Variants in TENM4 observed in about 807,000 individuals in gnomAD.
TENM4 encodes the protein teneurin-4.
Under a neutral mutation model 243.3 loss-of-function variants are expected in TENM4, and 82 were observed. That is an observed-to-expected ratio of 0.34 (90% CI 0.28 to 0.40). The LOEUF is 0.40. Among genes scored for constraint, TENM4 ranks in the 10% least tolerant of loss-of-function variants. The pLI, the probability that TENM4 is intolerant of heterozygous loss-of-function variation, is 1.00. For synonymous variants in TENM4, 1,412 were observed against 1,456.3 expected (o/e 0.97, Z 0.69); for missense variants, 3,138 against 3,673.3 (o/e 0.85, Z 3.77).
At chr11:78,676,120 A>G in intron 30 of TENM4, 32 bp downstream of exon 30, 2 of 1,458,416 alleles carry the variant, frequency 1.4e-6, no homozygotes, top group East Asian at 5.0e-5. Flanking sequence ...CTTTCCCCCC[A>G]GGACGCAGCC....
intron 1 of TENM4, among the ~76,000 whole-genome samples, chr11:79,412,110 C>A (rs1858713660): frequency 6.6e-6 from 1 of 152,204 alleles, no homozygotes; most frequent in Admixed American, 6.5e-5. Flanking sequence ...GTGCCACCAC[C>A]AGGACAGCTC....
intron 6 of TENM4, among the ~76,000 whole-genome samples, chr11:78,913,689 G>C (rs1591124669): frequency 1.3e-5 from 2 of 151,584 alleles, no homozygotes; most frequent in African/African-American, 4.8e-5. Context: ...CGGATAAGCA[G>C]CTCATGGAAA....
In TENM4 at chr11:78,712,541, T is replaced by A; in HGVS notation, c.3995A>T (p.Asp1332Val). ...AGTGDQCLPF[D>V]DTRCGDGGKA... ...CCCACCATCCCCGCAGCGAGTGTCATCAAAGGGGAGGCACTGGTCACCTGT... is the reference window on the plus strand; with the variant it reads ...CCCACCATCCCCGCAGCGAGTGTCAACAAAGGGGAGGCACTGGTCACCTGT... The change falls in exon 26 of 34, where the codon GAT (aspartate) becomes GTT (valine). Residue 1332 changes from aspartate to valine, a missense_variant. Physicochemically the swap from Asp to Val is radical, Grantham distance 152. This residue lies in a region of TENM4 where 2,467 missense variants were observed against 3,059.1 expected (regional missense o/e 0.81). Transcript: ENST00000278550. 6.2e-7 allele frequency: 1 copy of A among 1,613,972 alleles called. No homozygotes were observed. Among genetic ancestry groups the A allele is most frequent in the African/African-American group, 1.3e-5 (1 of 75,046 alleles).
intron 4 of TENM4, among the ~76,000 whole-genome samples, chr11:79,143,157 C>T (rs1018507371): frequency 1.4e-4 from 21 of 152,018 alleles, no homozygotes; most frequent in African/African-American, 5.1e-4. Flanking sequence ...ACCATTTGAC[C>T]CAGCGATCCC....
intron 6 of TENM4, among the ~76,000 whole-genome samples, chr11:79,001,182 G>T (rs565203057): frequency 6.6e-6 from 1 of 152,204 alleles, no homozygotes; most frequent in East Asian, 1.9e-4. Flanking sequence ...ACTTTAGATT[G>T]TAAGACACAA....
At chr11:79,305,254 A>G (rs558402) in intron 1 of TENM4, among the ~76,000 whole-genome samples, 90,570 of 152,136 alleles carry the variant, frequency 0.6, 27,548 homozygotes, top group East Asian at 0.78. Flanking sequence ...CTTTATCTGC[A>G]AAGTGAAGAT....
chr11:79,122,681 A>G (rs1861767168), intron 4 of TENM4, among the ~76,000 whole-genome samples: 1 of 152,178 alleles, frequency 6.6e-6, no homozygotes, highest in South Asian at 2.1e-4. Context: ...AAAAAGAACA[A>G]GAGTCCACTG....
At chr11:78,683,756 G>A (rs1024174998) in intron 29 of TENM4, among the ~76,000 whole-genome samples, 2 of 152,088 alleles carry the variant, frequency 1.3e-5, no homozygotes, top group African/African-American at 2.4e-5. Flanking sequence ...CTCACGCTGG[G>A]AGCTGTAGAC....
chr11:79,035,727 T>G (rs963022572), intron 6 of TENM4, among the ~76,000 whole-genome samples: 2 of 152,198 alleles, frequency 1.3e-5, no homozygotes, highest in African/African-American at 2.4e-5. Flanking sequence ...TCTCCCATTC[T>G]TCTTCTTTAC....
chr11:78,817,713 T>A (rs944059198), intron 12 of TENM4, among the ~76,000 whole-genome samples: 11 of 152,352 alleles, frequency 7.2e-5, no homozygotes, highest in Middle Eastern at 3.4e-3. Context: ...GGAGAGACAG[T>A]CCTGCCTGCA....
intron 1 of TENM4, among the ~76,000 whole-genome samples, chr11:79,319,692 T>C (rs1015812195): frequency 6.6e-6 from 1 of 151,696 alleles, no homozygotes; most frequent in African/African-American, 2.4e-5. Context: ...GGATGAGAAA[T>C]ATGAGCAAAC....
chr11:78,663,296 T>C (rs1332495389), intron 32 of TENM4, among the ~76,000 whole-genome samples: 2 of 152,234 alleles, frequency 1.3e-5, no homozygotes, highest in South Asian at 2.1e-4. Context: ...CAAGTGGAGA[T>C]AGAACCCTGA....
chr11:79,344,470 C>T (rs1197715017), intron 1 of TENM4, among the ~76,000 whole-genome samples: 1 of 151,182 alleles, frequency 6.6e-6, no homozygotes, highest in Non-Finnish European at 1.5e-5. Context: ...ATGAAACTGC[C>T]CCAGCCAAGC....
intron 6 of TENM4, among the ~76,000 whole-genome samples, chr11:78,955,904 G>A (rs1413676945): frequency 6.6e-6 from 1 of 152,178 alleles, no homozygotes; most frequent in African/African-American, 2.4e-5. Flanking sequence ...GTCTGCCCCA[G>A]GTGGAAGGCC....
chr11:78,751,958 C>T (rs1023298220), intron 19 of TENM4, among the ~76,000 whole-genome samples: 1 of 152,210 alleles, frequency 6.6e-6, no homozygotes, highest in Non-Finnish European at 1.5e-5. Flanking sequence ...AAGTATTCCA[C>T]TAGGCAGATG....
At chr11:78,985,671 C>T (rs142639405) in intron 6 of TENM4, among the ~76,000 whole-genome samples, 3 of 152,228 alleles carry the variant, frequency 2.0e-5, no homozygotes, top group East Asian at 3.9e-4. Context: ...AGAAGTTAAC[C>T]TATCTTATAA....
intron 1 of TENM4, among the ~76,000 whole-genome samples, chr11:79,329,937 G>C (rs1436569481): frequency 1.3e-5 from 2 of 152,186 alleles, no homozygotes; most frequent in Non-Finnish European, 2.9e-5. Flanking sequence ...ATCACAGAAG[G>C]GTGAGCGGCA....
chr11:79,201,218 C>T (rs1863730643), intron 3 of TENM4, among the ~76,000 whole-genome samples: 1 of 152,152 alleles, frequency 6.6e-6, no homozygotes, highest in Admixed American at 6.6e-5. Context: ...CTGAAAACTG[C>T]GTTTCTAACA....
At chr11:79,021,570 C>T (rs987749986) in intron 6 of TENM4, 1 of 152,148 alleles carries the variant, frequency 6.6e-6, no homozygotes, top group African/African-American at 2.4e-5. Flanking sequence ...AGGGGGTGTT[C>T]ATACCTTTTC....
Sources: gnomAD v4.1 joint callset for allele counts (sites outside exome capture counted in the v4.1 genomes callset) on GRCh38, gnomAD v4.1.1 for gene constraint, gnomAD v4.1.1 regional missense constraint, MANE v1.5 for transcripts, NCBI Gene and HGNC (gene_info 2026-07-23, HGNC 2026-07-21) for gene names.